Variants in FRMD4A observed in about 807,000 individuals in gnomAD.
The protein encoded by FRMD4A is FERM domain containing 4A.
In FRMD4A, 29 loss-of-function variants were observed where a neutral mutation model predicts 129.1. The observed-to-expected ratio is 0.22, with a 90% CI of 0.17 to 0.31. The LOEUF is 0.31. Among genes scored for constraint, FRMD4A ranks in the 10% least tolerant of loss-of-function variants. FRMD4A has a pLI of 1.00. For missense variants in FRMD4A, 1,272 were observed against 1,375.8 expected (o/e 0.92, Z 1.19); for synonymous variants, 634 against 571.6 (o/e 1.11, Z -1.56).
chr10:13,899,910 C>T (rs1228054492), intron 2 of FRMD4A, among the ~76,000 whole-genome samples: 5 of 152,156 alleles, frequency 3.3e-5, no homozygotes, highest in Non-Finnish European at 1.5e-5. Context: ...CTGTGTCGTT[C>T]CATCAGTTCC....
At position 13,646,962 on chromosome 10, in the gene FRMD4A, C is replaced by A. The variant is rs1284473091; in HGVS notation, c.*76G>T. On this transcript the variant is annotated 3_prime_UTR_variant, in exon 25 of 25. Transcript: ENST00000357447. ...ACGAGGGTCCCGGGCTTGGCTTTTT[C>A]CTGCCCGTACCACTGGACATCAGCT... 3 of 983,834 alleles carry A rather than the reference C, an allele frequency of 3.0e-6. No homozygotes were observed. The highest frequency in any genetic ancestry group is 2.4e-6 in the Non-Finnish European group (2 of 828,268). The allele number at this position is 983,834 out of a possible 1,614,324, so 60.9% of individuals were successfully genotyped here. A position where few individuals can be genotyped will look rare whatever the true frequency, so the allele number is the denominator to read the frequency against.
chr10:13,932,971 G>A (rs2095214439), intron 2 of FRMD4A, among the ~76,000 whole-genome samples: 1 of 152,084 alleles, frequency 6.6e-6, no homozygotes, highest in South Asian at 2.1e-4. Flanking sequence ...GACCATCCTG[G>A]CCAACATGGT....
intron 2 of FRMD4A, among the ~76,000 whole-genome samples, chr10:14,314,137 C>T (rs894482629): frequency 1.3e-5 from 2 of 152,232 alleles, no homozygotes; most frequent in Admixed American, 6.5e-5. Flanking sequence ...AAAGATGCCA[C>T]TATTGTCATT....
At chr10:13,663,550 T>G (rs1184037002) in intron 18 of FRMD4A, 41 bp from the exon 19 acceptor site, 2 of 1,004,334 alleles carry the variant, frequency 2.0e-6, no homozygotes, top group Non-Finnish European at 3.2e-6. Context: ...TTCAGCACAT[T>G]CCTTCAGCAA....
intron 2 of FRMD4A, among the ~76,000 whole-genome samples, chr10:14,089,009 C>A (rs934701179): frequency 1.3e-5 from 2 of 152,012 alleles, no homozygotes; most frequent in Non-Finnish European, 2.9e-5. Context: ...CTAGCTTACC[C>A]AGAAGGGGCG....
Position 13,646,914 on chromosome 10 carries a change from C to A in FRMD4A, c.*124G>T. On this transcript the variant is annotated 3_prime_UTR_variant, in exon 25 of 25. Coordinates refer to ENST00000357447, the MANE Select transcript of FRMD4A (RefSeq NM_018027.5). Reference sequence around the variant, plus strand: ...GATCTCAGAATGGCGTTGAGGCGGTCAGATTAGGCCGGGCTGGCTCACACG... The same window carrying A: ...GATCTCAGAATGGCGTTGAGGCGGTAAGATTAGGCCGGGCTGGCTCACACG... The A allele has an allele frequency of 1.3e-6, 1 of 794,928 alleles. No homozygotes were observed. Among genetic ancestry groups the A allele is most frequent in the Non-Finnish European group, 1.5e-6 (1 of 655,184 alleles). 49.2% of individuals were successfully genotyped at this position (794,928 alleles called of 1,614,324 possible).
At chr10:14,228,510 T>C (rs1209503352) in intron 2 of FRMD4A, among the ~76,000 whole-genome samples, 1 of 152,206 alleles carries the variant, frequency 6.6e-6, no homozygotes, top group Non-Finnish European at 1.5e-5. Flanking sequence ...CCTGTTTTAT[T>C]TGAAGAAAGC....
chr10:14,124,382 C>T (rs912801863), intron 2 of FRMD4A, among the ~76,000 whole-genome samples: 4 of 152,126 alleles, frequency 2.6e-5, no homozygotes, highest in Admixed American at 6.5e-5. Context: ...GAAGCTCAGA[C>T]GAATTTAAGT....
intron 2 of FRMD4A, among the ~76,000 whole-genome samples, chr10:13,935,472 A>T (rs1480071037): frequency 2.0e-5 from 3 of 151,088 alleles, no homozygotes; most frequent in African/African-American, 7.3e-5. Flanking sequence ...AAAAAAAAAA[A>T]AAAGTTGTTA....
At chr10:13,665,473 G>A (rs2082951056) in intron 18 of FRMD4A, among the ~76,000 whole-genome samples, 1 of 152,156 alleles carries the variant, frequency 6.6e-6, no homozygotes, top group Non-Finnish European at 1.5e-5. Context: ...AGACAAGAAG[G>A]ATTCTAACAG....
At chr10:13,901,902 C>T (rs1408088137) in intron 2 of FRMD4A, among the ~76,000 whole-genome samples, 1 of 152,090 alleles carries the variant, frequency 6.6e-6, no homozygotes, top group African/African-American at 2.4e-5. Flanking sequence ...AGAAGTCAGA[C>T]CTACTCCAAA....
At chr10:13,885,858 T>C (rs1263638500) in intron 2 of FRMD4A, among the ~76,000 whole-genome samples, 1 of 152,158 alleles carries the variant, frequency 6.6e-6, no homozygotes, top group African/African-American at 2.4e-5. Flanking sequence ...CTGCTCCCCA[T>C]TGTGCTCCAT....
At chr10:14,154,696 G>A (rs1186471011) in intron 2 of FRMD4A, among the ~76,000 whole-genome samples, 5 of 152,238 alleles carry the variant, frequency 3.3e-5, no homozygotes, top group South Asian at 4.1e-4. Context: ...GCATGAATAT[G>A]TTTCTGACTC....
intron 3 of FRMD4A, among the ~76,000 whole-genome samples, chr10:13,835,189 C>T (rs1564882774): frequency 1.3e-5 from 2 of 152,156 alleles, no homozygotes; most frequent in African/African-American, 2.4e-5. Flanking sequence ...TTACTTCACT[C>T]GTGGAGCTGT....
At chr10:14,328,066 C>G (rs1306659326) in intron 2 of FRMD4A, among the ~76,000 whole-genome samples, 1 of 152,110 alleles carries the variant, frequency 6.6e-6, no homozygotes, top group Non-Finnish European at 1.5e-5. Flanking sequence ...CACCAAAGTC[C>G]ATAGGGGAAA....
At chr10:13,871,872 C>G (rs535568826) in intron 2 of FRMD4A, among the ~76,000 whole-genome samples, 89 of 152,344 alleles carry the variant, frequency 5.8e-4, no homozygotes, top group Non-Finnish European at 1.2e-3. Context: ...GCTACCCTCC[C>G]TGAGCCACAC....
chr10:14,200,028 GT>G (rs11293134), intron 2 of FRMD4A, among the ~76,000 whole-genome samples: 123,362 of 130,494 alleles, frequency 0.95, 58,469 homozygotes, highest in Non-Finnish European at 0.99. Context: ...AATTTGTTTT[GT>G]TTTTTTTTTT....
intron 2 of FRMD4A, among the ~76,000 whole-genome samples, chr10:14,189,496 C>G (rs1269230372): frequency 6.6e-6 from 1 of 152,028 alleles, no homozygotes; most frequent in East Asian, 1.9e-4. Flanking sequence ...ATTGCTAGAA[C>G]CTGGGAGGCG....
chr10:13,814,906 A>G (rs2130887587), intron 3 of FRMD4A, among the ~76,000 whole-genome samples: 1 of 152,184 alleles, frequency 6.6e-6, no homozygotes, highest in Middle Eastern at 3.4e-3. Context: ...GAACCCAGGA[A>G]GCAAACGTGA....
Sources: gnomAD v4.1 joint callset for allele counts (sites outside exome capture counted in the v4.1 genomes callset) on GRCh38, gnomAD v4.1.1 for gene constraint, MANE v1.5 for transcripts, NCBI Gene and HGNC (gene_info 2026-07-23, HGNC 2026-07-21) for gene names.